The following FAM135B variants were observed in gnomAD, a reference collection of about 807,000 sequenced individuals.
The protein encoded by FAM135B is family with sequence similarity 135 member B.
FAM135B carries 43 observed loss-of-function variants against 127.7 expected under a neutral mutation model. That is an observed-to-expected ratio of 0.34 (90% CI 0.26 to 0.43). The LOEUF is 0.43. Ranked by LOEUF, FAM135B falls within the 20% of genes least tolerant of loss-of-function variation. The pLI is 1.00. For missense variants in FAM135B, 1,558 were observed against 1,725.6 expected (o/e 0.90, Z 1.72); for synonymous variants, 670 against 665.1 (o/e 1.01, Z -0.11).
chr8:138,186,530 T>G (rs866790033), intron 9 of FAM135B, among the ~76,000 whole-genome samples: 3 of 152,156 alleles, frequency 2.0e-5, no homozygotes, highest in Middle Eastern at 3.2e-3. Context: ...CAGGGATTTT[T>G]GGGAAGCGGG....
intron 1 of FAM135B, among the ~76,000 whole-genome samples, chr8:138,392,032 T>A (rs1369440662): frequency 6.6e-6 from 1 of 152,178 alleles, no homozygotes; most frequent in East Asian, 1.9e-4. Context: ...TAGGGCAGGG[T>A]AAGGCATAAG....
chr8:138,329,166 A>C lies in FAM135B; in HGVS notation c.78-18246T>G, dbSNP rs911553699. Reference sequence around the variant, plus strand: ...TAGATGTTGGGTAGGTAAATAGGAGATACAGATGGATGGATGGGCAGATGG... The same window carrying C: ...TAGATGTTGGGTAGGTAAATAGGAGCTACAGATGGATGGATGGGCAGATGG... On this transcript the variant is annotated intron_variant, in intron 2 of 19. Transcript: ENST00000395297. 3.9e-5 allele frequency among the ~76,000 whole-genome samples: 6 copies of C among 152,332 alleles called. No individual in the cohort carries two copies. In the East Asian group the frequency reaches 1.2e-3, roughly 29 times the overall value.
At chr8:138,157,721 T>G (rs199652298) in intron 12 of FAM135B, among the ~76,000 whole-genome samples, 2 of 152,082 alleles carry the variant, frequency 1.3e-5, no homozygotes, top group Non-Finnish European at 2.9e-5. Flanking sequence ...AATAAAATAC[T>G]TAGGAATCCA....
chr8:138,496,057 C>A (rs560612515), intron 1 of FAM135B, among the ~76,000 whole-genome samples: 21 of 152,226 alleles, frequency 1.4e-4, no homozygotes, highest in African/African-American at 4.8e-4. Flanking sequence ...CCATCCTATC[C>A]CTAATAGTCA....
At chr8:138,355,114 G>A (rs1293223342) in intron 2 of FAM135B, among the ~76,000 whole-genome samples, 2 of 152,058 alleles carry the variant, frequency 1.3e-5, no homozygotes, top group Non-Finnish European at 2.9e-5. Context: ...CTTTTACACT[G>A]TTGGTGGGAC....
intron 9 of FAM135B, among the ~76,000 whole-genome samples, chr8:138,181,342 G>T (rs1439122757): frequency 6.6e-6 from 1 of 152,280 alleles, no homozygotes; most frequent in East Asian, 1.9e-4. Context: ...GCTTTTGGAT[G>T]AACTGTAAGT....
intron 1 of FAM135B, among the ~76,000 whole-genome samples, chr8:138,482,080 C>A (rs1017344536): frequency 6.6e-6 from 1 of 152,158 alleles, no homozygotes; most frequent in African/African-American, 2.4e-5. Context: ...CCACATCATG[C>A]CCAAGCTTCA....
At chr8:138,191,775 C>G (rs1017484899) in intron 9 of FAM135B, among the ~76,000 whole-genome samples, 3 of 152,198 alleles carry the variant, frequency 2.0e-5, no homozygotes, top group Non-Finnish European at 4.4e-5. Flanking sequence ...TATTCCCTGC[C>G]AAAGGCATGA....
intron 1 of FAM135B, among the ~76,000 whole-genome samples, chr8:138,471,621 C>T (rs1481731384): frequency 6.6e-6 from 1 of 151,964 alleles, no homozygotes; most frequent in Non-Finnish European, 1.5e-5. Context: ...GTTTAAGGTG[C>T]TTTGAAATGC....
chr8:138,383,405 C>T (rs530011428), intron 1 of FAM135B, among the ~76,000 whole-genome samples: 1 of 152,324 alleles, frequency 6.6e-6, no homozygotes, highest in African/African-American at 2.4e-5. Flanking sequence ...TACCTAAGTG[C>T]CATCTGGCAC....
intron 1 of FAM135B, among the ~76,000 whole-genome samples, chr8:138,477,621 C>A (rs908395656): frequency 1.3e-4 from 20 of 152,104 alleles, no homozygotes; most frequent in African/African-American, 4.8e-4. Context: ...AGTTTCTTAG[C>A]CAAAATCTAT....
chr8:138,276,808 T>C (rs952761652), intron 3 of FAM135B, among the ~76,000 whole-genome samples: 3 of 152,170 alleles, frequency 2.0e-5, no homozygotes, highest in African/African-American at 7.2e-5. Flanking sequence ...AGAGAGTACC[T>C]AGTCCGAATG....
At chr8:138,255,323 A>T (rs530655306) in intron 5 of FAM135B, among the ~76,000 whole-genome samples, 6 of 152,290 alleles carry the variant, frequency 3.9e-5, no homozygotes, top group African/African-American at 1.4e-4. Context: ...AGAAGTGAGA[A>T]TTGACTTTAA....
intron 7 of FAM135B, among the ~76,000 whole-genome samples, chr8:138,222,521 A>T (rs2130060705): frequency 6.6e-6 from 1 of 152,256 alleles, no homozygotes; most frequent in Admixed American, 6.5e-5. Context: ...AAGTTACTGA[A>T]TATATTAAAG....
chr8:138,306,891 G>A (rs1267771403), intron 3 of FAM135B, among the ~76,000 whole-genome samples: 5 of 152,080 alleles, frequency 3.3e-5, no homozygotes, highest in African/African-American at 9.7e-5. Flanking sequence ...GCCACAGGCT[G>A]TATCATTCTT....
At position 138,483,508 on chromosome 8, in the gene FAM135B, A is replaced by G. The variant is rs376302565; in HGVS notation, c.-20+13163T>C. Among the ~76,000 whole-genome samples, 8 of 152,368 alleles carry G rather than the reference A, an allele frequency of 5.3e-5. No homozygotes were observed. The South Asian group carries it at 1.2e-3, about 24-fold the overall frequency. On this transcript the variant is annotated intron_variant, in intron 1 of 19. Coordinates refer to ENST00000395297, the MANE Select transcript of FAM135B (RefSeq NM_015912.4). ...TGGCAACTGAGGTGAATCTGAATCC[A>G]TGAGGAGGCTGCCCAGATGAAGGTG...
chr8:138,490,866 G>C (rs1213725498), intron 1 of FAM135B, among the ~76,000 whole-genome samples: 1 of 152,216 alleles, frequency 6.6e-6, no homozygotes, highest in Non-Finnish European at 1.5e-5. Context: ...AAATAGGCCA[G>C]GCGCGGTGGA....
chr8:138,351,818 T>C (rs769860498), intron 2 of FAM135B, among the ~76,000 whole-genome samples: 3 of 151,792 alleles, frequency 2.0e-5, no homozygotes, highest in Admixed American at 2.0e-4. Context: ...GTCTTCCCAG[T>C]AGCTGGGACT....
chr8:138,185,210 C>T (rs11166795), intron 9 of FAM135B, among the ~76,000 whole-genome samples: 2 of 152,040 alleles, frequency 1.3e-5, no homozygotes, highest in African/African-American at 2.4e-5. Flanking sequence ...AGCATCAAAA[C>T]GAGGACCCAT....
Sources: gnomAD v4.1 joint callset for allele counts (sites outside exome capture counted in the v4.1 genomes callset) on GRCh38, gnomAD v4.1.1 for gene constraint, MANE v1.5 for transcripts, NCBI Gene and HGNC (gene_info 2026-07-23, HGNC 2026-07-21) for gene names.